Variants in SORCS2 observed in about 807,000 individuals in gnomAD.
The protein encoded by SORCS2 is sortilin related VPS10 domain containing receptor 2, also known as VPS10 domain-containing receptor SorCS2.
SORCS2 carries 100 observed loss-of-function variants against 141.6 expected under a neutral mutation model. That is an observed-to-expected ratio of 0.71 (90% CI 0.60 to 0.83). SORCS2 has a LOEUF of 0.83. Among genes scored for constraint, SORCS2 ranks in the 40% least tolerant of loss-of-function variants. The pLI is 0.00. For missense variants in SORCS2, 1,646 were observed against 1,560.2 expected (o/e 1.05, Z -0.93); for synonymous variants, 789 against 676.9 (o/e 1.17, Z -2.57).
At position 7,486,813 on chromosome 4, in the gene SORCS2, G is replaced by A. The variant is rs536377372; in HGVS notation, c.549-44717G>A. ...TCCTGGATCATCTCGTCTGTCTCTCGTGAGGACACATGTGCTTGGATTTAG... is the reference window on the plus strand; with the variant it reads ...TCCTGGATCATCTCGTCTGTCTCTCATGAGGACACATGTGCTTGGATTTAG... On this transcript the variant is annotated intron_variant, in intron 2 of 26. Transcript: ENST00000507866. Among the ~76,000 whole-genome samples the A allele has an allele frequency of 1.8e-3, 270 of 152,252 alleles. 1 individual carries two copies. Among genetic ancestry groups the A allele is most frequent in the African/African-American group, 6.2e-3 (256 of 41,538 alleles).
At chr4:7,308,898 C>G (rs112952510) in intron 1 of SORCS2, among the ~76,000 whole-genome samples, 4 of 152,326 alleles carry the variant, frequency 2.6e-5, no homozygotes, top group East Asian at 1.9e-4. Flanking sequence ...GCAGCAGAGA[C>G]ACACCTCTGG....
chr4:7,502,531 C>T (rs1732032532), intron 2 of SORCS2, among the ~76,000 whole-genome samples: 1 of 152,224 alleles, frequency 6.6e-6, no homozygotes, highest in Non-Finnish European at 1.5e-5. Flanking sequence ...CATGGCTGGT[C>T]TGACTGTGGG....
intron 1 of SORCS2, among the ~76,000 whole-genome samples, chr4:7,282,611 A>G (rs1560162556): frequency 6.6e-6 from 1 of 152,012 alleles, no homozygotes; most frequent in East Asian, 1.9e-4. Flanking sequence ...CCTGGGTGGG[A>G]GCCGGTGGGA....
At chr4:7,724,118 G>GTGA (rs1553808081) in intron 19 of SORCS2, among the ~76,000 whole-genome samples, 3 of 87,374 alleles carry the variant, frequency 3.4e-5, no homozygotes, top group Non-Finnish European at 5.2e-5. Flanking sequence ...GGTGGTGATG[G>GTGA]TGGTGGTGGT....
intron 3 of SORCS2, among the ~76,000 whole-genome samples, chr4:7,637,423 G>A (rs865816172): frequency 5.9e-5 from 9 of 152,228 alleles, no homozygotes; most frequent in African/African-American, 1.9e-4. Context: ...CTGCTTTGGA[G>A]CAGTTGTCCC....
Position 7,740,800 on chromosome 4 carries a change from G to A in SORCS2, c.*536G>A, listed in dbSNP as rs952907871. ...CACCCTCCAGGCCCCCCTGCCCTCC[G>A]GCTGGAAACTGCAGCTCTGTAAATG... On this transcript the variant is annotated 3_prime_UTR_variant, in exon 27 of 27. Coordinates refer to ENST00000507866, the MANE Select transcript of SORCS2 (RefSeq NM_020777.3). 3.5e-5 allele frequency: 13 copies of A among 366,302 alleles called. No individual in the cohort carries two copies. Among genetic ancestry groups the A allele is most frequent in the Admixed American group, 1.3e-4 (3 of 22,356 alleles). The allele number at this position is 366,302 out of a possible 1,614,324, so 22.7% of individuals were successfully genotyped here. A position where few individuals can be genotyped will look rare whatever the true frequency, so the allele number is the denominator to read the frequency against.
At chr4:7,197,740 G>A (rs1428305594) in intron 1 of SORCS2, among the ~76,000 whole-genome samples, 2 of 152,138 alleles carry the variant, frequency 1.3e-5, no homozygotes. Context: ...GTCAGCTCCC[G>A]ATGGACCCCA....
intron 14 of SORCS2, among the ~76,000 whole-genome samples, chr4:7,711,494 C>A (rs1725824134): frequency 6.6e-6 from 1 of 152,178 alleles, no homozygotes; most frequent in African/African-American, 2.4e-5. Flanking sequence ...GGTAATATGG[C>A]CGGAGCACCA....
rs114588664 is a variant in SORCS2 at position 7,595,139 on chromosome 4, G to A, written c.649-43189G>A. On this transcript the variant is annotated intron_variant, in intron 3 of 26. Transcript: ENST00000507866. ...CAGGGGGTTTCACGGCCTCCTCCTCGTGTGTAGTAATTCGCCACACAGAAC... is the reference window on the plus strand; with the variant it reads ...CAGGGGGTTTCACGGCCTCCTCCTCATGTGTAGTAATTCGCCACACAGAAC... Among the ~76,000 whole-genome samples the A allele has an allele frequency of 1.9e-3, 284 of 152,248 alleles. 1 individual carries two copies. Among genetic ancestry groups the A allele is most frequent in the African/African-American group, 6.5e-3 (269 of 41,542 alleles).
intron 20 of SORCS2, among the ~76,000 whole-genome samples, 161 bp from the exon 21 acceptor site, chr4:7,726,619 C>T (rs1305874982): frequency 2.0e-5 from 3 of 152,174 alleles, no homozygotes; most frequent in Non-Finnish European, 4.4e-5. Context: ...CGCCCCATGC[C>T]TCCCTGGGTG....
Position 7,434,564 on chromosome 4 carries a change from C to T in SORCS2, c.548+38209C>T, listed in dbSNP as rs926616253. ...TGGGCATCCACCATCCACTTGCATC[C>T]GGCTGAAGACTCCTGGCTGGGGAGC... On this transcript the variant is annotated intron_variant, in intron 2 of 26. Transcript: ENST00000507866. The T allele has an allele frequency of 2.2e-5, 35 of 1,613,466 alleles. No individual in the cohort carries two copies. Among genetic ancestry groups the T allele is most frequent in the Middle Eastern group, 1.7e-4 (1 of 6,060 alleles).
chr4:7,238,698 G>A (rs1228707394), intron 1 of SORCS2, among the ~76,000 whole-genome samples: 1 of 152,190 alleles, frequency 6.6e-6, no homozygotes, highest in African/African-American at 2.4e-5. Context: ...CTGCTGCCCT[G>A]CGTGTGTCTG....
intron 2 of SORCS2, among the ~76,000 whole-genome samples, chr4:7,426,212 G>C (rs111788128): frequency 5.3e-5 from 8 of 151,044 alleles, no homozygotes; most frequent in African/African-American, 2.0e-4. Context: ...TTACCTTGTG[G>C]GGGGAAGCCC....
chr4:7,222,488 G>A (rs1728767226), intron 1 of SORCS2, among the ~76,000 whole-genome samples: 1 of 150,546 alleles, frequency 6.6e-6, no homozygotes, highest in Non-Finnish European at 1.5e-5. Context: ...CAGAGAGCGG[G>A]GCATGGGGGT....
chr4:7,253,032 G>C (rs1386045408), intron 1 of SORCS2, among the ~76,000 whole-genome samples: 2 of 152,228 alleles, frequency 1.3e-5, no homozygotes, highest in Non-Finnish European at 2.9e-5. Flanking sequence ...ACACTGCCTG[G>C]ACTCAGCCCC....
chr4:7,536,054 T>C (rs1372826943), intron 3 of SORCS2, among the ~76,000 whole-genome samples: 2 of 152,232 alleles, frequency 1.3e-5, no homozygotes, highest in Non-Finnish European at 1.5e-5. Flanking sequence ...GGCTCCTGTC[T>C]GCAGAGGTGT....
rs11729468 is a variant in SORCS2, at chr4:7,457,533, C to T, written c.548+61178C>T. 9.1e-3 allele frequency among the ~76,000 whole-genome samples: 1,359 copies of T among 148,834 alleles called. 7 individuals are homozygous for T. Among genetic ancestry groups the T allele is most frequent in the Non-Finnish European group, 0.016 (1,079 of 67,284 alleles). On this transcript the variant is annotated intron_variant, in intron 2 of 26. Transcript: ENST00000507866. ...AGAGGGCCTGGTTCACACCAGGGAGCGTGCCCCAGTGAACATCACAAAGCT... is the reference window on the plus strand; with the variant it reads ...AGAGGGCCTGGTTCACACCAGGGAGTGTGCCCCAGTGAACATCACAAAGCT...
At chr4:7,299,710 A>G (rs1434869208) in intron 1 of SORCS2, among the ~76,000 whole-genome samples, 1 of 152,196 alleles carries the variant, frequency 6.6e-6, no homozygotes, top group Non-Finnish European at 1.5e-5. Flanking sequence ...GCCGTGGTCC[A>G]GGCCTGTGTC....
intron 2 of SORCS2, among the ~76,000 whole-genome samples, chr4:7,527,379 A>T (rs991010546): frequency 6.6e-6 from 1 of 152,192 alleles, no homozygotes; most frequent in African/African-American, 2.4e-5. Flanking sequence ...ACAAGGAGGG[A>T]GCCAGAGGGA....
Sources: gnomAD v4.1 joint callset for allele counts (sites outside exome capture counted in the v4.1 genomes callset) on GRCh38, gnomAD v4.1.1 for gene constraint, MANE v1.5 for transcripts, NCBI Gene and HGNC (gene_info 2026-07-23, HGNC 2026-07-21) for gene names.